Variants in MYO16 observed in about 807,000 individuals in gnomAD.
MYO16 encodes unconventional myosin-XVI.
MYO16 carries 94 observed loss-of-function variants against 205.3 expected under a neutral mutation model. The ratio of observed to expected loss-of-function variants is 0.46; its 90% CI spans 0.39 to 0.54. The LOEUF (loss-of-function observed/expected upper bound fraction) is 0.54, where lower values mean the gene tolerates loss of function less well. Ranked by LOEUF, MYO16 falls within the 20% of genes least tolerant of loss-of-function variation. The pLI is 0.00. For synonymous variants in MYO16, 988 were observed against 954.0 expected, an observed-to-expected ratio of 1.04 and a Z score of -0.66; for missense variants, 2,315 against 2,387.5, an observed-to-expected ratio of 0.97 and a Z score of 0.63.
intron 14 of MYO16, among the ~76,000 whole-genome samples, chr13:108,896,656 G>A (rs1880425443): frequency 6.6e-6 from 1 of 152,148 alleles, no homozygotes; most frequent in African/African-American, 2.4e-5. Flanking sequence ...TGTAGCAGAT[G>A]CCAGGAAATT....
intron 4 of MYO16, among the ~76,000 whole-genome samples, chr13:108,775,855 C>T (rs1194843275): frequency 6.6e-6 from 1 of 152,076 alleles, no homozygotes; most frequent in Non-Finnish European, 1.5e-5. Context: ...TGCACATGTG[C>T]GAGGGTGAGA....
At chr13:108,732,690 A>G (rs1884563420) in intron 4 of MYO16, among the ~76,000 whole-genome samples, 1 of 152,220 alleles carries the variant, frequency 6.6e-6, no homozygotes, top group Non-Finnish European at 1.5e-5. Context: ...AGAAGGAGGT[A>G]TGGAAAGAAG....
the MYO16 span, among the ~76,000 whole-genome samples, chr13:108,546,745 G>A: frequency 6.6e-6 from 1 of 152,118 alleles, no homozygotes; most frequent in Non-Finnish European, 1.5e-5. Context: ...GAACCCCAAA[G>A]TGGGGCATGG....
At chr13:108,632,386 G>A (rs373607627) in intron 1 of MYO16, among the ~76,000 whole-genome samples, 22 of 152,280 alleles carry the variant, frequency 1.4e-4, no homozygotes, top group African/African-American at 4.6e-4. Context: ...GCAGGAGCAG[G>A]ACCTTCTGAA....
At chr13:108,893,964 C>A (rs1419892001) in intron 14 of MYO16, among the ~76,000 whole-genome samples, 2 of 152,018 alleles carry the variant, frequency 1.3e-5, no homozygotes, top group East Asian at 3.9e-4. Context: ...AAAGATACCA[C>A]CTGAGACTAG....
chr13:109,137,889 T>G (rs961313826), intron 31 of MYO16, among the ~76,000 whole-genome samples: 1 of 152,228 alleles, frequency 6.6e-6, no homozygotes, highest in Admixed American at 6.5e-5. Flanking sequence ...CACACAGTTC[T>G]GTGACCCTCA....
the MYO16 span, among the ~76,000 whole-genome samples, chr13:108,589,153 A>G: frequency 6.6e-6 from 1 of 152,166 alleles, no homozygotes; most frequent in Non-Finnish European, 1.5e-5. Context: ...GTTGTGCTGG[A>G]ATAATTTTTA....
At chr13:109,174,920 T>TG (rs397937055) in intron 33 of MYO16, among the ~76,000 whole-genome samples, 1 of 151,504 alleles carries the variant, frequency 6.6e-6, no homozygotes, top group African/African-American at 2.4e-5. Context: ...TTTTTTTTTT[T>TG]GTATTTTTTT....
chr13:109,056,373 A>G (rs1887419434), intron 27 of MYO16, among the ~76,000 whole-genome samples: 1 of 152,122 alleles, frequency 6.6e-6, no homozygotes, highest in South Asian at 2.1e-4. Context: ...CAGGCTACAT[A>G]TTTGTTCATT....
intron 12 of MYO16, among the ~76,000 whole-genome samples, chr13:108,869,731 T>TAAA (rs68025820): frequency 0.026 from 1,752 of 66,844 alleles, 89 homozygotes; most frequent in African/African-American, 0.048. Context: ...ACTCCGTTTC[T>TAAA]AAAAAAAAAA....
chr13:108,876,495 A>G (rs886525164), intron 12 of MYO16, among the ~76,000 whole-genome samples: 7 of 152,164 alleles, frequency 4.6e-5, no homozygotes, highest in Non-Finnish European at 1.0e-4. Flanking sequence ...TACCACTTCA[A>G]CTTCAACCTA....
At chr13:108,823,540 A>G (rs1239214969) in intron 9 of MYO16, among the ~76,000 whole-genome samples, 2 of 152,180 alleles carry the variant, frequency 1.3e-5, no homozygotes, top group Non-Finnish European at 2.9e-5. Context: ...TTTTAAACAC[A>G]TTCCAAGATT....
At chr13:108,657,704 A>G (rs1446742674) in intron 1 of MYO16, among the ~76,000 whole-genome samples, 1 of 152,092 alleles carries the variant, frequency 6.6e-6, no homozygotes, top group East Asian at 1.9e-4. Context: ...AAAGTTCCGG[A>G]CTATCACTCC....
chr13:108,500,667 C>A, the MYO16 span, among the ~76,000 whole-genome samples: 1 of 152,094 alleles, frequency 6.6e-6, no homozygotes, highest in Non-Finnish European at 1.5e-5. Flanking sequence ...TTTATTCTGA[C>A]CTTTTAGGAC....
chr13:109,162,645 G>A lies in MYO16; in HGVS notation c.5165-2256G>A, dbSNP rs1338022650. 4.6e-5 allele frequency among the ~76,000 whole-genome samples: 7 copies of A among 152,116 alleles called. No homozygotes were observed. Among genetic ancestry groups the A allele is most frequent in the African/African-American group, 1.7e-4 (7 of 41,412 alleles). On this transcript the variant is annotated intron_variant, in intron 32 of 34. Coordinates refer to ENST00000457511, the MANE Select transcript of MYO16 (RefSeq NM_001198950.3). The surrounding 1 kb of genome is among the most constrained non-coding windows in gnomAD (Gnocchi z 4.6). ...TTTATTGCCAATCACCTTTTTGGGAGAGAAGCTCCCAGGTACCAGGCAGTG... is the reference window on the plus strand; with the variant it reads ...TTTATTGCCAATCACCTTTTTGGGAAAGAAGCTCCCAGGTACCAGGCAGTG...
At chr13:109,174,300 G>T (rs930251160) in intron 33 of MYO16, among the ~76,000 whole-genome samples, 12 of 152,282 alleles carry the variant, frequency 7.9e-5, no homozygotes, top group Admixed American at 3.9e-4. Flanking sequence ...GATGATGACA[G>T]GTTTGGAGTT....
At chr13:109,070,562 G>A (rs1887892871) in intron 27 of MYO16, among the ~76,000 whole-genome samples, 1 of 152,012 alleles carries the variant, frequency 6.6e-6, no homozygotes. Flanking sequence ...CCATTTTAGG[G>A]TAGCCATTTA....
chr13:108,723,666 G>A (rs1165669424), intron 3 of MYO16, among the ~76,000 whole-genome samples: 1 of 151,958 alleles, frequency 6.6e-6, no homozygotes, highest in Non-Finnish European at 1.5e-5. Context: ...TCTCTATTAT[G>A]TTTCATTGAT....
At chr13:108,870,616 T>A (rs9555525) in intron 12 of MYO16, among the ~76,000 whole-genome samples, 94,375 of 150,474 alleles carry the variant, frequency 0.63, 29,617 homozygotes, top group South Asian at 0.77. Context: ...ATTGCATTTT[T>A]AAAAAATTAT....
Sources: gnomAD v4.1 joint callset for allele counts (sites outside exome capture counted in the v4.1 genomes callset) on GRCh38, gnomAD v4.1.1 for gene constraint, Gnocchi (gnomAD v3.1) non-coding constraint, MANE v1.5 for transcripts, NCBI Gene and HGNC (gene_info 2026-07-23, HGNC 2026-07-21) for gene names.